The following PRPF40B variants were observed in gnomAD, a reference collection of about 807,000 sequenced individuals.
PRPF40B encodes the protein pre-mRNA-processing factor 40 homolog B.
A neutral mutation model predicts 124.5 loss-of-function variants in PRPF40B; 56 were observed. The ratio of observed to expected loss-of-function variants is 0.45; its 90% CI spans 0.36 to 0.56. PRPF40B has a LOEUF of 0.56. Ranked by LOEUF, PRPF40B falls within the 20% of genes least tolerant of loss-of-function variation. PRPF40B has a pLI of 0.00. For missense variants in PRPF40B, 1,053 were observed against 1,169.5 expected (o/e 0.90, Z 1.45); for synonymous variants, 443 against 426.4 (o/e 1.04, Z -0.48).
At position 49,642,422 on chromosome 12, in the gene PRPF40B, G is replaced by T. The variant is rs999053003; in HGVS notation, c.2022+50G>T. The T allele has an allele frequency of 5.6e-6, 9 of 1,603,102 alleles. No homozygotes were observed. In the African/African-American group the frequency reaches 1.2e-4, roughly 21 times the overall value. ...GCACCCCTCAAGCCTGAGGGCAGCG[G>T]TGCTTCACCACTGAGGGCCCACCCC... On this transcript the variant is annotated intron_variant, in intron 20 of 25. Transcript: ENST00000548825. The surrounding 1 kb of genome is among the most constrained non-coding windows in gnomAD (Gnocchi z 5.8).
intron 1 of PRPF40B, 73 bp downstream of exon 1, chr12:49,623,666 G>A (rs1156536865): frequency 8.2e-7 from 1 of 1,224,332 alleles, no homozygotes; most frequent in Non-Finnish European, 1.0e-6. Context: ...GGCCGTGGCC[G>A]ATGGGGCGGG....
chr12:49,623,443 C>T (rs1592566394), upstream of PRPF40B: 5 of 853,738 alleles, frequency 5.9e-6, no homozygotes, highest in East Asian at 1.8e-4. Context: ...CGGTTGGGGC[C>T]CCGCTCGCCG....
Position 49,633,055 on chromosome 12 carries a change from C to T in PRPF40B, c.390C>T (p.Ile130=). 12 of 1,580,380 alleles carry T rather than the reference C, an allele frequency of 7.6e-6. No homozygotes were observed. The highest frequency in any genetic ancestry group is 1.0e-5 in the Non-Finnish European group (12 of 1,162,690). Residue 130 remains isoleucine (I), a synonymous_variant, in exon 7 of 26, where the codon ATC becomes ATT. Transcript: ENST00000548825. ...WSEHVAPDGR[I]YYYNADDKQS... Reference sequence around the variant, plus strand: ...AGCATGTGGCCCCAGATGGGCGCATCTACTACTACAATGCTGACGACAAGC... The same window carrying T: ...AGCATGTGGCCCCAGATGGGCGCATTTACTACTACAATGCTGACGACAAGC...
rs1942050211 is a variant in PRPF40B, at chr12:49,637,752, A to G, written c.1695A>G (p.Leu565=). Reference sequence around the variant, plus strand: ...TTACAGGCTCCACCCCTCTGGACTTATTCAAGTTCTATGTGGAGGAGTTGA... The same window carrying G: ...TTACAGGCTCCACCCCTCTGGACTTGTTCAAGTTCTATGTGGAGGAGTTGA... ...LGQPGSTPLD[L]FKFYVEELKA... The change falls in exon 18 of 26, where the codon TTA becomes TTG. Residue 565 remains leucine, a synonymous_variant. Coordinates refer to ENST00000548825, the MANE Select transcript of PRPF40B (RefSeq NM_001031698.3). 1.3e-6 allele frequency: 2 copies of G among 1,599,142 alleles called. No homozygotes were observed. Among genetic ancestry groups the G allele is most frequent in the South Asian group, 1.1e-5 (1 of 90,630 alleles).
In PRPF40B at chr12:49,635,983, T is replaced by C; in HGVS notation, c.1416T>C (p.His472=). The C allele has an allele frequency of 6.2e-7, 1 of 1,614,124 alleles. No individual in the cohort carries two copies. The highest frequency in any genetic ancestry group is 8.5e-7 in the Non-Finnish European group (1 of 1,179,996). ...ATAACCCCAGCTTTGCTCAGGACCA[T>C]CAGCTGCAGAGTAAGCCTGGGCCTC... The part of the protein sequence containing the change: ...LMDNPSFAQD[H]QLQNMDKEDA... Residue 472 remains histidine (H), a synonymous_variant, in exon 15 of 26, where the codon CAT becomes CAC. Transcript: ENST00000548825. This position sits in a 1 kb window ranked among gnomAD's most constrained non-coding sequence, Gnocchi z 4.1.
At chr12:49,637,183 G>A (rs1452227967) in intron 16 of PRPF40B, 2 of 568,580 alleles carry the variant, frequency 3.5e-6, no homozygotes, top group South Asian at 2.2e-5. Flanking sequence ...GGGTGGCAGT[G>A]GTGGTGGTAG....
At chr12:49,634,154 C>T in intron 10 of PRPF40B, 62 bp downstream of exon 10, 4 of 1,586,306 alleles carry the variant, frequency 2.5e-6, no homozygotes, top group Middle Eastern at 2.3e-4. Context: ...TGGTTCAACC[C>T]TTGTCCTCTG....
chr12:49,630,562 TC>T lies in PRPF40B; in HGVS notation c.25del (p.Arg9GlyfsTer15), dbSNP rs1283908453. MSVPDSG[P>X]RPPAAPAPFP... ...CTCAACAGTCGGTTCCCGATTCTGG[TC>T]CCCGGCCCCCAGCAGCGCCTGCCCC... On this transcript the variant is annotated frameshift_variant, in exon 2 of 26. Coordinates refer to ENST00000548825, the MANE Select transcript of PRPF40B (RefSeq NM_001031698.3). LOFTEE classifies it high-confidence loss of function. 31 of 1,397,034 alleles carry T rather than the reference TC, an allele frequency of 2.2e-5. No homozygotes were observed. The highest frequency in any genetic ancestry group is 4.8e-5 in the South Asian group (4 of 82,730). The allele number at this position is 1,397,034 out of a possible 1,614,324, so 86.5% of individuals were successfully genotyped here.
chr12:49,642,887 A>C lies in PRPF40B; in HGVS notation c.2119-43A>C. Reference sequence around the variant, plus strand: ...AGGAAGTAGGATCCTTCCTGGGGCTAAGTCTGGTGCTGTCCTCACCCTTCT... The same window carrying C: ...AGGAAGTAGGATCCTTCCTGGGGCTCAGTCTGGTGCTGTCCTCACCCTTCT... On this transcript the variant is annotated intron_variant, in intron 21 of 25. Coordinates refer to ENST00000548825, the MANE Select transcript of PRPF40B (RefSeq NM_001031698.3). The surrounding 1 kb of genome is among the most constrained non-coding windows in gnomAD (Gnocchi z 5.8). The C allele has an allele frequency of 6.3e-7, 1 of 1,579,614 alleles. No homozygotes were observed. The highest frequency in any genetic ancestry group is 8.6e-7 in the Non-Finnish European group (1 of 1,158,538).
upstream of PRPF40B, among the ~76,000 whole-genome samples, chr12:49,623,236 G>T (rs1316529397): frequency 6.6e-6 from 1 of 151,896 alleles, no homozygotes; most frequent in Non-Finnish European, 1.5e-5. Flanking sequence ...GAACGCTTCG[G>T]CTCCTGGAGC....
intron 17 of PRPF40B, 34 bp from the exon 18 acceptor site, chr12:49,637,699 C>CCCG: frequency 1.3e-6 from 2 of 1,506,422 alleles, no homozygotes; most frequent in Non-Finnish European, 1.8e-6. Context: ...GGGAAGCTGC[C>CCCG]GCCCGCCAGG....
Position 49,642,700 on chromosome 12 carries a change from C to T in PRPF40B, c.2118+25C>T, listed in dbSNP as rs1188944169. 2 of 1,607,146 alleles carry T rather than the reference C, an allele frequency of 1.2e-6. No homozygotes were observed. The highest frequency in any genetic ancestry group is 2.2e-5 in the South Asian group (2 of 89,992). The stretch of plus-strand genomic sequence containing the variant: ...GGTGAGGCAGGCTTGTCCTCTGGAT[C>T]TGCCTCAGGCCCTTGAACTCATTAG... On this transcript the variant is annotated intron_variant, in intron 21 of 25. Coordinates refer to ENST00000548825, the MANE Select transcript of PRPF40B (RefSeq NM_001031698.3). This position sits in a 1 kb window ranked among gnomAD's most constrained non-coding sequence, Gnocchi z 5.8.
At position 49,634,309 on chromosome 12, in the gene PRPF40B, G is replaced by A. The variant is rs1454787613; in HGVS notation, c.813-23G>A. On this transcript the variant is annotated intron_variant, in intron 10 of 25. Transcript: ENST00000548825. ...GCTGTGAGAGCTGGGGGACCCTGTGGCTGAGTCCCCTGTGCCCTCCAGTTC... is the reference window on the plus strand; with the variant it reads ...GCTGTGAGAGCTGGGGGACCCTGTGACTGAGTCCCCTGTGCCCTCCAGTTC... 5 of 1,614,102 alleles carry A rather than the reference G, an allele frequency of 3.1e-6. No individual in the cohort carries two copies. In the Admixed American group the frequency reaches 5.0e-5, roughly 16 times the overall value.
chr12:49,625,364 C>T (rs1315445389), intron 1 of PRPF40B, among the ~76,000 whole-genome samples: 2 of 152,136 alleles, frequency 1.3e-5, no homozygotes, highest in Admixed American at 1.3e-4. Flanking sequence ...AATCTCTGAA[C>T]CTCAGTTTCT....
chr12:49,634,766 G>GAAGGA (rs1420568851), intron 12 of PRPF40B, 164 bp downstream of exon 12: 2 of 754,520 alleles, frequency 2.7e-6, no homozygotes, highest in East Asian at 5.4e-5. Context: ...GCCTCCAGGA[G>GAAGGA]AAGGAAAGGA....
intron 1 of PRPF40B, chr12:49,624,179 C>CA: frequency 1.0e-6 from 1 of 985,066 alleles, no homozygotes; most frequent in Non-Finnish European, 1.2e-6. Flanking sequence ...GGGCAAGTCA[C>CA]TACCTTTCTT....
At chr12:49,625,489 T>C (rs1369440991) in intron 1 of PRPF40B, among the ~76,000 whole-genome samples, 1 of 152,226 alleles carries the variant, frequency 6.6e-6, no homozygotes, top group East Asian at 1.9e-4. Context: ...TTAGCTGTTA[T>C]CATTCCCTCT....
In PRPF40B at chr12:49,644,161, C is replaced by T. The variant is rs200997915; in HGVS notation, c.2648C>T (p.Thr883Ile). The T allele has an allele frequency of 6.2e-7, 1 of 1,614,116 alleles. No individual in the cohort carries two copies. Among genetic ancestry groups the T allele is most frequent in the Non-Finnish European group, 8.5e-7 (1 of 1,180,038 alleles). ...SEGELERRRR[T>I]LLQQLDDHQ ...GGTGAGCTGGAGAGGCGGCGGCGGACACTCCTACAGCAGCTGGATGATCAC... is the reference window on the plus strand; with the variant it reads ...GGTGAGCTGGAGAGGCGGCGGCGGATACTCCTACAGCAGCTGGATGATCAC... The change falls in exon 26 of 26, where the codon ACA (threonine) becomes ATA (isoleucine). Residue 883 changes from threonine to isoleucine, a missense_variant. Thr to Ile is a moderately conservative substitution (Grantham distance 89). Coordinates refer to ENST00000548825, the MANE Select transcript of PRPF40B (RefSeq NM_001031698.3).
rs763751338 is a variant in PRPF40B at position 49,631,823 on chromosome 12, C to A, written c.229-37C>A. On this transcript the variant is annotated intron_variant, in intron 3 of 25. Transcript: ENST00000548825. The surrounding 1 kb of genome is among the most constrained non-coding windows in gnomAD (Gnocchi z 4.3). The stretch of plus-strand genomic sequence containing the variant: ...CCTGTCCCTCCTGTTCCAGCCCTTA[C>A]CTTGGTGGTTGGTTTCTGTCTTCTT... The A allele has an allele frequency of 1.1e-5, 17 of 1,591,500 alleles. No homozygotes were observed. Among genetic ancestry groups the A allele is most frequent in the Non-Finnish European group, 1.4e-5 (16 of 1,160,002 alleles).
Sources: gnomAD v4.1 joint callset for allele counts (sites outside exome capture counted in the v4.1 genomes callset) on GRCh38, gnomAD v4.1.1 for gene constraint, Gnocchi (gnomAD v3.1) non-coding constraint, MANE v1.5 for transcripts, NCBI Gene and HGNC (gene_info 2026-07-23, HGNC 2026-07-21) for gene names.